The following EFCAB3 variants were observed in gnomAD, a reference collection of about 807,000 sequenced individuals.
EFCAB3 encodes the protein EF-hand calcium-binding domain-containing protein 3.
EFCAB3 carries 36 observed loss-of-function variants against 42.2 expected under a neutral mutation model. The ratio of observed to expected loss-of-function variants is 0.85; its 90% CI spans 0.65 to 1.13. EFCAB3 has a LOEUF of 1.13. Among genes scored for constraint, EFCAB3 ranks in the 50% most tolerant of loss-of-function variants. The probability of loss-of-function intolerance (pLI) is 0.00; values close to 1 mark genes in which losing one functional copy is unlikely to be tolerated. For synonymous variants in EFCAB3, 170 were observed against 172.8 expected (o/e 0.98, Z 0.13); for missense variants, 418 against 505.1 (o/e 0.83, Z 1.65).
upstream of EFCAB3, chr17:62,378,009 G>T (rs373303781): frequency 1.0e-5 from 16 of 1,549,442 alleles, no homozygotes; most frequent in Non-Finnish European, 1.4e-5. Flanking sequence ...AACTGCAAAT[G>T]ATATTAAAGG....
At chr17:62,386,453 A>G (rs2070252000) in intron 2 of EFCAB3, among the ~76,000 whole-genome samples, 1 of 149,012 alleles carries the variant, frequency 6.7e-6, no homozygotes, top group African/African-American at 2.6e-5. Context: ...ATTGTAAAAT[A>G]GTTGTAAAAG....
intron 1 of EFCAB3, among the ~76,000 whole-genome samples, chr17:62,381,040 C>A (rs997792986): frequency 1.3e-5 from 2 of 152,102 alleles, no homozygotes; most frequent in Non-Finnish European, 2.9e-5. Flanking sequence ...GGTACACGTG[C>A]ACAACGTGCA....
At chr17:62,398,029 A>G in intron 6 of EFCAB3, 1 of 246,048 alleles carries the variant, frequency 4.1e-6, no homozygotes, top group South Asian at 4.6e-5. Flanking sequence ...CCATCTCAAA[A>G]AAAAAAAAAA....
chr17:62,371,745 T>G (rs2070116204), intron 1 of EFCAB3, among the ~76,000 whole-genome samples: 1 of 151,998 alleles, frequency 6.6e-6, no homozygotes, highest in African/African-American at 2.4e-5. Context: ...GAGGGGGAAT[T>G]TGGGGTTGTT....
At chr17:62,410,563 A>G (rs1244689397) in intron 8 of EFCAB3, among the ~76,000 whole-genome samples, 3 of 152,074 alleles carry the variant, frequency 2.0e-5, no homozygotes, top group African/African-American at 7.2e-5. Context: ...AGACCAGCCT[A>G]GGCAGCATGG....
Position 62,407,071 on chromosome 17 carries a change from C to A in EFCAB3, c.726C>A (p.Ile242=). ...GSDSPYSKIP[I]FPLFPNVDGV... The stretch of plus-strand genomic sequence containing the variant: ...ATAGCCCATATTCAAAAATACCCAT[C>A]TTTCCATTGTTCCCTAATGTGGATG... Residue 242 remains isoleucine, a synonymous_variant, in exon 8 of 10, where the codon ATC becomes ATA. Coordinates refer to ENST00000305286, the MANE Select transcript of EFCAB3 (RefSeq NM_173503.4). 3 of 1,602,242 alleles carry A rather than the reference C, an allele frequency of 1.9e-6. No individual in the cohort carries two copies. Among genetic ancestry groups the A allele is most frequent in the Non-Finnish European group, 2.5e-6 (3 of 1,176,824 alleles).
rs928985221 is a variant in EFCAB3 at position 62,387,505 on chromosome 17, G to C, written c.151+89G>C. Reference sequence around the variant, plus strand: ...TCTAAGAAAGATCTGAGATTTCAAGGGTTGTCTACACCACCATCATTTGAG... The same window carrying C: ...TCTAAGAAAGATCTGAGATTTCAAGCGTTGTCTACACCACCATCATTTGAG... On this transcript the variant is annotated intron_variant, in intron 3 of 9. Transcript: ENST00000305286. 7 of 1,122,332 alleles carry C rather than the reference G, an allele frequency of 6.2e-6. No individual in the cohort carries two copies. The African/African-American group carries it at 1.1e-4, about 18-fold the overall frequency. 69.5% of individuals were successfully genotyped at this position (1,122,332 alleles called of 1,614,324 possible).
At chr17:62,397,734 G>T in intron 6 of EFCAB3, 2 of 476,820 alleles carry the variant, frequency 4.2e-6, no homozygotes, top group Non-Finnish European at 8.2e-6. Flanking sequence ...GGTTAAAAAG[G>T]TCATGCTGGG....
chr17:62,390,675 C>G (rs1244577435), intron 3 of EFCAB3, among the ~76,000 whole-genome samples: 1 of 152,126 alleles, frequency 6.6e-6, no homozygotes, highest in African/African-American at 2.4e-5. Context: ...GTGGGAAAAA[C>G]AGAAACAAGT....
intron 2 of EFCAB3, among the ~76,000 whole-genome samples, chr17:62,386,720 C>A (rs1009597515): frequency 7.9e-5 from 12 of 152,116 alleles, no homozygotes; most frequent in Admixed American, 2.0e-4. Flanking sequence ...TAACCTGAGA[C>A]AAATTATTTA....
chr17:62,413,609 C>G (rs913886954), intron 8 of EFCAB3, 123 bp from the exon 9 acceptor site: 1 of 967,200 alleles, frequency 1.0e-6, no homozygotes, highest in Non-Finnish European at 1.4e-6. Flanking sequence ...AATGGTTTGG[C>G]AATAACCTTA....
At chr17:62,410,691 CAA>C (rs777760519) in intron 8 of EFCAB3, among the ~76,000 whole-genome samples, 1 of 151,524 alleles carries the variant, frequency 6.6e-6, no homozygotes, top group Non-Finnish European at 1.5e-5. Flanking sequence ...TTTCAGAAAG[CAA>C]GAGAGAGAGA....
intron 5 of EFCAB3, among the ~76,000 whole-genome samples, chr17:62,394,207 C>T (rs1213124125): frequency 6.6e-6 from 1 of 152,174 alleles, no homozygotes; most frequent in Non-Finnish European, 1.5e-5. Flanking sequence ...CCCGCCTTGG[C>T]CTCCCAAAGT....
chr17:62,398,894 A>G (rs2070377166), intron 6 of EFCAB3, among the ~76,000 whole-genome samples: 2 of 152,218 alleles, frequency 1.3e-5, no homozygotes, highest in Non-Finnish European at 2.9e-5. Flanking sequence ...AGAATTTGAT[A>G]GGTATTCACA....
intron 1 of EFCAB3, 149 bp downstream of exon 1, chr17:62,380,762 G>A (rs904044707): frequency 2.3e-5 from 6 of 255,552 alleles, no homozygotes; most frequent in African/African-American, 1.4e-4. Flanking sequence ...GAATTGTTGA[G>A]CCATTCTGGT....
At chr17:62,378,613 T>A (rs761683321), upstream of EFCAB3, among the ~76,000 whole-genome samples, 5 of 152,012 alleles carry the variant, frequency 3.3e-5, no homozygotes, top group Non-Finnish European at 5.9e-5. Context: ...AGTGGAAGGA[T>A]CACTTGAGCC....
At chr17:62,372,334 G>A (rs1344549124) in intron 1 of EFCAB3, among the ~76,000 whole-genome samples, 1 of 152,050 alleles carries the variant, frequency 6.6e-6, no homozygotes, top group Non-Finnish European at 1.5e-5. Context: ...GCAGTGGCAT[G>A]TTATCAGCTC....
intron 2 of EFCAB3, 131 bp downstream of exon 2, chr17:62,383,184 T>C (rs2070219065): frequency 1.2e-6 from 1 of 801,490 alleles, no homozygotes; most frequent in South Asian, 2.0e-5. Flanking sequence ...AGAAAATTAT[T>C]GAGATTATTG....
At chr17:62,384,689 C>G (rs1213754726) in intron 2 of EFCAB3, among the ~76,000 whole-genome samples, 3 of 152,162 alleles carry the variant, frequency 2.0e-5, no homozygotes, top group African/African-American at 7.2e-5. Flanking sequence ...TAGTATTTCT[C>G]CATGTACTGC....
Sources: allele counts gnomAD v4.1 joint callset (sites outside exome capture counted in the v4.1 genomes callset), GRCh38; gene constraint gnomAD v4.1.1; transcripts MANE v1.5; gene names NCBI Gene and HGNC (gene_info 2026-07-23, HGNC 2026-07-21).